Variants in SGCZ observed in about 807,000 individuals in gnomAD.
SGCZ encodes zeta-sarcoglycan.
SGCZ carries 40 observed loss-of-function variants against 41.3 expected under a neutral mutation model. That is an observed-to-expected ratio of 0.97 (90% CI 0.75 to 1.26). The LOEUF (loss-of-function observed/expected upper bound fraction) is 1.26, where lower values mean the gene tolerates loss of function less well. Among genes scored for constraint, SGCZ ranks in the 50% most tolerant of loss-of-function variants. The probability of loss-of-function intolerance (pLI) is 0.00; values close to 1 mark genes in which losing one functional copy is unlikely to be tolerated. For synonymous variants in SGCZ, 206 were observed against 137.5 expected (o/e 1.50, Z -3.49); for missense variants, 552 against 369.8 (o/e 1.49, Z -4.04).
In SGCZ at chr8:15,184,472, G is replaced by C. The variant is rs146307336; in HGVS notation, c.39+53113C>G. Among the ~76,000 whole-genome samples, 500 of 152,168 alleles carry C rather than the reference G, an allele frequency of 3.3e-3. 2 individuals carry two copies. Among genetic ancestry groups the C allele is most frequent in the African/African-American group, 0.011 (476 of 41,526 alleles). Reference sequence around the variant, plus strand: ...ATCTGAGAAGTTGTATCGGGCATGAGTTTCCAGTTACTCTTCACCTCTCAT... The same window carrying C: ...ATCTGAGAAGTTGTATCGGGCATGACTTTCCAGTTACTCTTCACCTCTCAT... On this transcript the variant is annotated intron_variant, in intron 1 of 7. Coordinates refer to ENST00000382080, the MANE Select transcript of SGCZ (RefSeq NM_139167.4).
chr8:14,550,728 C>A (rs1178174449), intron 2 of SGCZ, among the ~76,000 whole-genome samples: 1 of 151,990 alleles, frequency 6.6e-6, no homozygotes. Context: ...GCCATCAATT[C>A]TTCCCAACTC....
chr8:14,660,873 AC>A (rs1222386141), intron 1 of SGCZ, among the ~76,000 whole-genome samples: 1 of 152,116 alleles, frequency 6.6e-6, no homozygotes, highest in African/African-American at 2.4e-5. Context: ...TGGAAACTGA[AC>A]TTTTATATAG....
intron 6 of SGCZ, among the ~76,000 whole-genome samples, chr8:14,103,440 G>A (rs1057020850): frequency 6.6e-6 from 1 of 152,042 alleles, no homozygotes; most frequent in Non-Finnish European, 1.5e-5. Context: ...GGGTCCCCTC[G>A]GGCTCACATT....
chr8:14,423,863 C>T (rs1462114372), intron 2 of SGCZ, among the ~76,000 whole-genome samples: 1 of 152,036 alleles, frequency 6.6e-6, no homozygotes, highest in African/African-American at 2.4e-5. Flanking sequence ...TCTCTGCCAC[C>T]ATTTTTTCCT....
intron 1 of SGCZ, among the ~76,000 whole-genome samples, chr8:15,079,219 T>A (rs1212936622): frequency 6.6e-6 from 1 of 152,212 alleles, no homozygotes; most frequent in East Asian, 1.9e-4. Context: ...CCAGTCTTTA[T>A]TAAATTTATT....
intron 2 of SGCZ, among the ~76,000 whole-genome samples, chr8:14,330,262 G>A (rs1044997719): frequency 2.6e-5 from 4 of 151,884 alleles, no homozygotes; most frequent in Non-Finnish European, 5.9e-5. Flanking sequence ...CCTTCCAACA[G>A]TGGATATGAA....
At chr8:15,189,463 A>G (rs1016009971) in intron 1 of SGCZ, among the ~76,000 whole-genome samples, 1 of 152,164 alleles carries the variant, frequency 6.6e-6, no homozygotes, top group Non-Finnish European at 1.5e-5. Flanking sequence ...TGGTACCCAA[A>G]TCAAGAGAGC....
intron 1 of SGCZ, among the ~76,000 whole-genome samples, chr8:14,877,683 A>G (rs1368864415): frequency 6.6e-6 from 1 of 152,162 alleles, no homozygotes; most frequent in African/African-American, 2.4e-5. Flanking sequence ...ACAAATGTAC[A>G]TCTTTTCTTT....
chr8:14,654,573 T>C (rs1807500309), intron 1 of SGCZ, among the ~76,000 whole-genome samples: 1 of 152,012 alleles, frequency 6.6e-6, no homozygotes. Flanking sequence ...TTACTTCTTT[T>C]GTTGTTGTTT....
chr8:14,941,886 T>TTA (rs942637581), intron 1 of SGCZ, among the ~76,000 whole-genome samples: 1 of 151,580 alleles, frequency 6.6e-6, no homozygotes, highest in Non-Finnish European at 1.5e-5. Context: ...TATATATATG[T>TTA]TATATATATG....
At chr8:14,821,480 T>C (rs1398680368) in intron 1 of SGCZ, among the ~76,000 whole-genome samples, 1 of 152,012 alleles carries the variant, frequency 6.6e-6, no homozygotes, top group Non-Finnish European at 1.5e-5. Context: ...GCCAGCATTA[T>C]CCTGATTCCA....
chr8:14,769,739 G>A (rs1423316467), intron 1 of SGCZ, among the ~76,000 whole-genome samples: 3 of 139,188 alleles, frequency 2.2e-5, no homozygotes, highest in South Asian at 2.2e-4. Flanking sequence ...AGGTTGCAGT[G>A]AGCCAAGATC....
At chr8:14,488,266 G>A (rs926795777) in intron 2 of SGCZ, among the ~76,000 whole-genome samples, 2 of 152,206 alleles carry the variant, frequency 1.3e-5, no homozygotes, top group Non-Finnish European at 2.9e-5. Context: ...AGAAGCCCAG[G>A]ATTGATGGAT....
At chr8:14,389,845 C>A (rs1174014296) in intron 2 of SGCZ, among the ~76,000 whole-genome samples, 1 of 151,934 alleles carries the variant, frequency 6.6e-6, no homozygotes, top group Admixed American at 6.6e-5. Context: ...TCTTAGTTTT[C>A]TCAAAATTGA....
chr8:14,386,701 T>C (rs1804590858), intron 2 of SGCZ, among the ~76,000 whole-genome samples: 1 of 152,184 alleles, frequency 6.6e-6, no homozygotes, highest in South Asian at 2.1e-4. Flanking sequence ...AGAAATGGGC[T>C]GCCAGAAGTT....
At chr8:14,527,807 C>A (rs112953307) in intron 2 of SGCZ, among the ~76,000 whole-genome samples, 1 of 151,986 alleles carries the variant, frequency 6.6e-6, no homozygotes. Context: ...ATTGAGTAAC[C>A]CATGTCCATA....
intron 1 of SGCZ, among the ~76,000 whole-genome samples, chr8:15,060,672 A>T (rs1481291999): frequency 1.7e-4 from 1 of 5,716 alleles, no homozygotes; most frequent in South Asian, 3.6e-3. Flanking sequence ...TAAAGTATTA[A>T]AAAAAAAAAA....
chr8:14,503,606 G>A (rs1585603645), intron 2 of SGCZ, among the ~76,000 whole-genome samples: 1 of 151,788 alleles, frequency 6.6e-6, no homozygotes, highest in Non-Finnish European at 1.5e-5. Flanking sequence ...AATCTCTACT[G>A]AAAATACAAA....
intron 1 of SGCZ, among the ~76,000 whole-genome samples, chr8:14,862,781 G>A (rs937405723): frequency 1.3e-5 from 2 of 151,932 alleles, no homozygotes; most frequent in South Asian, 4.2e-4. Flanking sequence ...AGCAGGAGGT[G>A]TATGAGCAGA....
Sources: gnomAD v4.1 joint callset for allele counts (sites outside exome capture counted in the v4.1 genomes callset) on GRCh38, gnomAD v4.1.1 for gene constraint, MANE v1.5 for transcripts, NCBI Gene and HGNC (gene_info 2026-07-23, HGNC 2026-07-21) for gene names.